Variants in MTA2 observed in about 807,000 individuals in gnomAD.
MTA2 encodes the protein metastasis associated 1 family member 2.
In MTA2, 22 loss-of-function variants were observed where a neutral mutation model predicts 87.1. That is an observed-to-expected ratio of 0.25 (90% confidence interval 0.18 to 0.36). The LOEUF is 0.36. MTA2 is among the 10% of genes least tolerant of loss of function. MTA2 has a pLI of 1.00. For missense variants in MTA2, 542 were observed against 853.2 expected, an observed-to-expected ratio of 0.64 and a Z score of 4.54; for synonymous variants, 314 against 310.1, an observed-to-expected ratio of 1.01 and a Z score of -0.13.
At position 62,593,803 on chromosome 11, in the gene MTA2, A is replaced by G. The variant is rs1942057143; in HGVS notation, c.*72T>C. ...CACTCCTCACTCCCTTCGACACGAA[A>G]GGGAAGGGAGGTTTGGGTGCCCTGG... On this transcript the variant is annotated 3_prime_UTR_variant, in exon 18 of 18. Coordinates refer to ENST00000278823, the MANE Select transcript of MTA2 (RefSeq NM_004739.4). 3 of 1,574,064 alleles carry G rather than the reference A, an allele frequency of 1.9e-6. No homozygotes were observed. In the South Asian group the frequency reaches 3.4e-5, roughly 18 times the overall value.
Position 62,595,991 on chromosome 11 carries a change from C to A in MTA2, c.1114+19G>T. 1 of 1,614,122 alleles carries A rather than the reference C, an allele frequency of 6.2e-7. No individual in the cohort carries two copies. ...GGCCTTCCACCCATCCCCACCATCCCAGTGCCCCCGTAACTCACTGTGGCA... is the reference window on the plus strand; with the variant it reads ...GGCCTTCCACCCATCCCCACCATCCAAGTGCCCCCGTAACTCACTGTGGCA... On this transcript the variant is annotated intron_variant, in intron 12 of 17. Coordinates refer to ENST00000278823, the MANE Select transcript of MTA2 (RefSeq NM_004739.4). The surrounding 1 kb of genome is among the most constrained non-coding windows in gnomAD (Gnocchi z 4.9).
Position 62,595,478 on chromosome 11 carries a change from C to T in MTA2, c.1269G>A (p.Arg423=), listed in dbSNP as rs145145920. 11 of 1,613,946 alleles carry T rather than the reference C, an allele frequency of 6.8e-6. No individual in the cohort carries two copies. In the African/African-American group the frequency reaches 1.5e-4, roughly 22 times the overall value. Residue 423 remains arginine (R), a synonymous_variant, in exon 14 of 18, where the codon AGG becomes AGA. Transcript: ENST00000278823. This position sits in a 1 kb window ranked among gnomAD's most constrained non-coding sequence, Gnocchi z 4.9. ...GAGCTTCAGGTCTGGATAAATGACCCCTTGAGTGTGGCTCCTAGAAGAAGA... is the reference window on the plus strand; with the variant it reads ...GAGCTTCAGGTCTGGATAAATGACCTCTTGAGTGTGGCTCCTAGAAGAAGA... ...ATRGTTEPHS[R]GHLSRPEAQS... is the part of the protein sequence containing the mutation.
chr11:62,596,140 C>T (rs1029315849), intron 11 of MTA2, 33 bp from the exon 12 acceptor site: 1 of 1,610,060 alleles, frequency 6.2e-7, no homozygotes, highest in African/African-American at 1.3e-5. Flanking sequence ...GGGAAAAAAA[C>T]AAGAAACTGG....
rs756556385 is a variant in MTA2, at chr11:62,596,447, C to T, written c.957+11G>A. 6.2e-7 allele frequency: 1 copy of T among 1,613,698 alleles called. No individual in the cohort carries two copies. Among genetic ancestry groups the T allele is most frequent in the African/African-American group, 1.3e-5 (1 of 74,908 alleles). On this transcript the variant is annotated intron_variant, in intron 10 of 17. Transcript: ENST00000278823. ...TAGCCTATGGTCCACCCTCCCCAGC[C>T]CAGATAATACCTGCTGAATATACCG...
intron 11 of MTA2, 77 bp downstream of exon 11, chr11:62,596,202 C>T: frequency 3.8e-6 from 6 of 1,591,260 alleles, no homozygotes; most frequent in Non-Finnish European, 5.2e-6. Flanking sequence ...CTCCTGCCCA[C>T]CCCCAATCAC....
At chr11:62,594,468 C>A (rs1316708991) in intron 16 of MTA2, 48 bp downstream of exon 16, 1 of 1,612,850 alleles carries the variant, frequency 6.2e-7, no homozygotes, top group Non-Finnish European at 8.5e-7. Context: ...CTATGAGAGA[C>A]AAAAGCCCAC....
At position 62,595,958 on chromosome 11, in the gene MTA2, C is replaced by G. The variant is rs1376743947; in HGVS notation, c.1114+52G>C. 3.7e-6 allele frequency: 6 copies of G among 1,613,898 alleles called. No homozygotes were observed. The highest frequency in any genetic ancestry group is 4.5e-5 in the East Asian group (2 of 44,892). ...TACCTAAGCCCCTCAGATTCTTGAGCCACAGCAGGCCTTCCACCCATCCCC... is the reference window on the plus strand; with the variant it reads ...TACCTAAGCCCCTCAGATTCTTGAGGCACAGCAGGCCTTCCACCCATCCCC... On this transcript the variant is annotated intron_variant, in intron 12 of 17. Coordinates refer to ENST00000278823, the MANE Select transcript of MTA2 (RefSeq NM_004739.4). This position sits in a 1 kb window ranked among gnomAD's most constrained non-coding sequence, Gnocchi z 4.9.
Position 62,601,426 on chromosome 11 carries a change from C to A in MTA2, c.25G>T (p.Gly9Ter). Residue 9 changes from glycine (G) to a stop codon, truncating the protein, a stop_gained, in exon 1 of 18, where the codon GGA becomes TGA. Transcript: ENST00000278823. LOFTEE classifies it high-confidence loss of function. The stretch of plus-strand genomic sequence containing the variant: ...TATCCCTGCGCCCGGTACTCACCTC[C>A]CACCCGGTACATGTTGGCCGCCATG... The part of the protein sequence containing the change: MAANMYRV[G>*]DYVYFENSSS... The A allele has an allele frequency of 6.2e-7, 1 of 1,610,988 alleles. No homozygotes were observed. Among genetic ancestry groups the A allele is most frequent in the East Asian group, 2.2e-5 (1 of 44,666 alleles).
At position 62,595,591 on chromosome 11, in the gene MTA2, C is replaced by T; in HGVS notation, c.1255-99G>A. On this transcript the variant is annotated intron_variant, in intron 13 of 17. Coordinates refer to ENST00000278823, the MANE Select transcript of MTA2 (RefSeq NM_004739.4). The surrounding 1 kb of genome is among the most constrained non-coding windows in gnomAD (Gnocchi z 4.9). ...AGGGGACAATTTATTCCTGTCTAAT[C>T]TCTTTACTGACCTCTTGGCCTATGT... The T allele has an allele frequency of 6.6e-7, 1 of 1,522,308 alleles. No individual in the cohort carries two copies. Among genetic ancestry groups the T allele is most frequent in the South Asian group, 1.2e-5 (1 of 82,490 alleles). 94.3% of individuals were successfully genotyped at this position (1,522,308 alleles called of 1,614,324 possible). A position where few individuals can be genotyped will look rare whatever the true frequency, so the allele number is the denominator to read the frequency against.
At position 62,598,023 on chromosome 11, in the gene MTA2, C is replaced by G; in HGVS notation, c.490+1G>C. On this transcript the variant is annotated splice_donor_variant, in intron 6 of 17. Coordinates refer to ENST00000278823, the MANE Select transcript of MTA2 (RefSeq NM_004739.4). LOFTEE classifies it high-confidence loss of function. ...CCGTACAGTCTTGTCCTGTTGCTTA[C>G]CCTCTACTAGGCGATCTGGGATCTC... 6.2e-7 allele frequency: 1 copy of G among 1,612,622 alleles called. No individual in the cohort carries two copies. Among genetic ancestry groups the G allele is most frequent in the Non-Finnish European group, 8.5e-7 (1 of 1,178,740 alleles).
In MTA2 at chr11:62,596,228, T is replaced by C. The variant is rs1283882471; in HGVS notation, c.1016+51A>G. 4 of 1,602,106 alleles carry C rather than the reference T, an allele frequency of 2.5e-6. No individual in the cohort carries two copies. In the Admixed American group the frequency reaches 6.7e-5, roughly 27 times the overall value. ...CCCCAATCACTGAGGAAGGCACAAG[T>C]TAGGGGAAGGGAAGGAAAACACTCT... On this transcript the variant is annotated intron_variant, in intron 11 of 17. Transcript: ENST00000278823.
chr11:62,597,717 G>A lies in MTA2; in HGVS notation c.491-5C>T, dbSNP rs753885537. On this transcript the variant is annotated splice_region_variant and splice_polypyrimidine_tract_variant and intron_variant, in intron 6 of 17. Coordinates refer to ENST00000278823, the MANE Select transcript of MTA2 (RefSeq NM_004739.4). ...GGTTCCGATTATCAGATTCTCCTGG[G>A]GAAAAGAACAATGGCATCAACAGGG... 1.2e-6 allele frequency: 2 copies of A among 1,613,336 alleles called. No individual in the cohort carries two copies. Among genetic ancestry groups the A allele is most frequent in the Non-Finnish European group, 1.7e-6 (2 of 1,179,424 alleles).
rs1314830563 is a variant in MTA2 at position 62,596,489 on chromosome 11, A to G, written c.926T>C (p.Met309Thr). Residue 309 changes from methionine (M) to threonine (T), a missense_variant, in exon 10 of 18, where the codon ATG (methionine) becomes ACG (threonine). Physicochemically the swap from Met to Thr is moderately conservative, Grantham distance 81. Transcript: ENST00000278823. ...SLASIVQFYY[M>T]WKTTDRYIQQ... is the part of the protein sequence containing the mutation. Reference sequence around the variant, plus strand: ...AATATACCGGTCTGTGGTTTTCCACATGTAATAAAACTGGACTATGCTGGC... The same window carrying G: ...AATATACCGGTCTGTGGTTTTCCACGTGTAATAAAACTGGACTATGCTGGC... The G allele has an allele frequency of 1.9e-6, 3 of 1,614,006 alleles. No individual in the cohort carries two copies. The African/African-American group carries it at 4.0e-5, about 22-fold the overall frequency.
rs1942173171 is a variant in MTA2, at chr11:62,600,700, A to C, written c.29-11T>G. On this transcript the variant is annotated splice_polypyrimidine_tract_variant and intron_variant, in intron 1 of 17. Coordinates refer to ENST00000278823, the MANE Select transcript of MTA2 (RefSeq NM_004739.4). ...CAAAATAGACGTAATCTGTAAGGGA[A>C]GGGAGGGGGGAGAACCACGAAGATC... The C allele has an allele frequency of 2.5e-6, 4 of 1,612,672 alleles. No individual in the cohort carries two copies. The South Asian group carries it at 4.4e-5, about 18-fold the overall frequency.
chr11:62,596,474 T>G lies in MTA2; in HGVS notation c.941A>C (p.Asp314Ala). 1.2e-6 allele frequency: 2 copies of G among 1,614,126 alleles called. No homozygotes were observed. The highest frequency in any genetic ancestry group is 1.7e-6 in the Non-Finnish European group (2 of 1,179,990). ...AGATAATACCTGCTGAATATACCGG[T>G]CTGTGGTTTTCCACATGTAATAAAA... ...VQFYYMWKTT[D>A]RYIQQKRLKA... The change falls in exon 10 of 18, where the codon GAC becomes GCC. Residue 314 changes from aspartate to alanine, a missense_variant. Physicochemically the swap from Asp to Ala is moderately radical, Grantham distance 126. Coordinates refer to ENST00000278823, the MANE Select transcript of MTA2 (RefSeq NM_004739.4).
In MTA2 at chr11:62,598,015, G is replaced by A; in HGVS notation, c.490+9C>T. The A allele has an allele frequency of 6.2e-7, 1 of 1,607,510 alleles. No individual in the cohort carries two copies. The highest frequency in any genetic ancestry group is 1.1e-5 in the South Asian group (1 of 90,942). ...CCTGGTAGCCGTACAGTCTTGTCCT[G>A]TTGCTTACCCTCTACTAGGCGATCT... On this transcript the variant is annotated intron_variant, in intron 6 of 17. Transcript: ENST00000278823.
Position 62,595,132 on chromosome 11 carries a change from A to G in MTA2, c.1484-62T>C. ...CCATTCAGGTCTCCTCTAAGGCCAGAAGCCAACTCTAATCTTAAAAAAATT... is the reference window on the plus strand; with the variant it reads ...CCATTCAGGTCTCCTCTAAGGCCAGGAGCCAACTCTAATCTTAAAAAAATT... On this transcript the variant is annotated intron_variant, in intron 14 of 17. Transcript: ENST00000278823. The surrounding 1 kb of genome is among the most constrained non-coding windows in gnomAD (Gnocchi z 4.9). 6.4e-7 allele frequency: 1 copy of G among 1,569,330 alleles called. No individual in the cohort carries two copies. Among genetic ancestry groups the G allele is most frequent in the Non-Finnish European group, 8.7e-7 (1 of 1,146,504 alleles).
At position 62,598,481 on chromosome 11, in the gene MTA2, G is replaced by A. The variant is rs199655330; in HGVS notation, c.308+41C>T. The A allele has an allele frequency of 9.9e-5, 159 of 1,606,350 alleles. No individual in the cohort carries two copies. The African/African-American group carries it at 1.7e-3, about 17-fold the overall frequency. On this transcript the variant is annotated intron_variant, in intron 4 of 17. Coordinates refer to ENST00000278823, the MANE Select transcript of MTA2 (RefSeq NM_004739.4). The stretch of plus-strand genomic sequence containing the variant: ...CCACCTCCTTCTCTCCATCTTCTAC[G>A]TAAGTGCACGCAGGCTATGCTGGCC...
In MTA2 at chr11:62,595,485, T is replaced by G. The variant is rs1942085857; in HGVS notation, c.1262A>C (p.His421Pro). ...AGGTCTGGATAAATGACCCCTTGAG[T>G]GTGGCTCCTAGAAGAAGAGCATAGG... ...EGATRGTTEP[H>P]SRGHLSRPEA... Residue 421 changes from histidine (H) to proline (P), a missense_variant, in exon 14 of 18, where the codon CAC (histidine) becomes CCC (proline). Coordinates refer to ENST00000278823, the MANE Select transcript of MTA2 (RefSeq NM_004739.4). This position sits in a 1 kb window ranked among gnomAD's most constrained non-coding sequence, Gnocchi z 4.9. The G allele has an allele frequency of 1.2e-6, 2 of 1,613,956 alleles. No homozygotes were observed. The highest frequency in any genetic ancestry group is 1.7e-5 in the Admixed American group (1 of 59,998).
Sources: allele counts gnomAD v4.1 joint callset, GRCh38; gene constraint gnomAD v4.1.1; non-coding constraint Gnocchi (gnomAD v3.1); transcripts MANE v1.5; gene names NCBI Gene and HGNC (gene_info 2026-07-23, HGNC 2026-07-21).